KIF6: variants seen among roughly 807,000 people sequenced by gnomAD.
The protein encoded by KIF6 is kinesin-like protein KIF6.
In KIF6, 106 loss-of-function variants were observed where a neutral mutation model predicts 112.7. The ratio of observed to expected loss-of-function variants is 0.94; its 90% CI spans 0.80 to 1.11. KIF6 has a LOEUF of 1.11. Among genes scored for constraint, KIF6 ranks in the 50% least tolerant of loss-of-function variants. The probability of loss-of-function intolerance (pLI) is 0.00; values close to 1 mark genes in which losing one functional copy is unlikely to be tolerated. For missense variants in KIF6, 929 were observed against 964.0 expected (o/e 0.96, Z 0.48); for synonymous variants, 339 against 339.9 (o/e 1.00, Z 0.03).
In KIF6 at chr6:39,587,745, C is replaced by T. The variant is rs139659005; in HGVS notation, c.847-1341G>A. 1.1e-3 allele frequency among the ~76,000 whole-genome samples: 163 copies of T among 152,252 alleles called. 2 individuals carry two copies. Among genetic ancestry groups the T allele is most frequent in the African/African-American group, 3.7e-3 (155 of 41,544 alleles). On this transcript the variant is annotated intron_variant, in intron 7 of 22. Coordinates refer to ENST00000287152, the MANE Select transcript of KIF6 (RefSeq NM_145027.6). ...CCCTTCACCTTCTTATTGTCCTGCT[C>T]CTGTCTAAGGCCAGCCCTCCATCCT...
At chr6:39,615,562 T>C (rs892358032) in intron 5 of KIF6, among the ~76,000 whole-genome samples, 1 of 149,722 alleles carries the variant, frequency 6.7e-6, no homozygotes, top group Non-Finnish European at 1.5e-5. Flanking sequence ...TCTGATTTGA[T>C]TGGTCCAGGG....
At chr6:39,400,100 G>C (rs1182034298) in intron 15 of KIF6, among the ~76,000 whole-genome samples, 2 of 152,236 alleles carry the variant, frequency 1.3e-5, no homozygotes, top group African/African-American at 2.4e-5. Flanking sequence ...ATTTCCAGCA[G>C]TAAAGCCAGG....
chr6:39,538,636 A>C (rs1778592364), intron 13 of KIF6, among the ~76,000 whole-genome samples: 1 of 150,346 alleles, frequency 6.7e-6, no homozygotes, highest in Non-Finnish European at 1.5e-5. Flanking sequence ...AAACTAGTTC[A>C]ACCATTGTGG....
At chr6:39,388,837 C>A (rs1767639138) in intron 15 of KIF6, among the ~76,000 whole-genome samples, 3 of 152,102 alleles carry the variant, frequency 2.0e-5, no homozygotes, top group Non-Finnish European at 4.4e-5. Context: ...CAGCCTGAGG[C>A]CGGAGACAGT....
intron 3 of KIF6, among the ~76,000 whole-genome samples, chr6:39,646,414 C>T (rs1038429346): frequency 6.6e-6 from 1 of 152,034 alleles, no homozygotes; most frequent in African/African-American, 2.4e-5. Context: ...AGAATTCCCT[C>T]CAAGGTATTT....
chr6:39,638,855 G>A (rs916732977), intron 4 of KIF6, among the ~76,000 whole-genome samples: 1 of 152,102 alleles, frequency 6.6e-6, no homozygotes, highest in African/African-American at 2.4e-5. Flanking sequence ...GACTCATTAC[G>A]GGGAATTTGT....
chr6:39,355,747 C>T, intron 19 of KIF6, among the ~76,000 whole-genome samples: 1 of 151,620 alleles, frequency 6.6e-6, no homozygotes, highest in Non-Finnish European at 1.5e-5. Context: ...CAAGCATGAG[C>T]CACCACGCCT....
chr6:39,498,442 C>T (rs1775912245), intron 13 of KIF6, among the ~76,000 whole-genome samples: 1 of 152,100 alleles, frequency 6.6e-6, no homozygotes, highest in South Asian at 2.1e-4. Context: ...GTAGCTATAA[C>T]AGAAAAAAGA....
At chr6:39,430,372 A>G (rs2150380044) in intron 14 of KIF6, among the ~76,000 whole-genome samples, 1 of 152,338 alleles carries the variant, frequency 6.6e-6, no homozygotes, top group South Asian at 2.1e-4. Flanking sequence ...ACTGTGTGCT[A>G]GGATCCACAG....
At chr6:39,549,080 T>C (rs899307042) in intron 10 of KIF6, among the ~76,000 whole-genome samples, 3 of 152,318 alleles carry the variant, frequency 2.0e-5, no homozygotes, top group Non-Finnish European at 4.4e-5. Flanking sequence ...GAAATACCTC[T>C]GACAGCCTGT....
At chr6:39,578,692 C>A (rs1561830576) in intron 9 of KIF6, among the ~76,000 whole-genome samples, 1 of 152,030 alleles carries the variant, frequency 6.6e-6, no homozygotes, top group Non-Finnish European at 1.5e-5. Context: ...CTATTGGTAT[C>A]CCCCCTCCGT....
intron 7 of KIF6, among the ~76,000 whole-genome samples, chr6:39,593,760 T>C (rs1035383057): frequency 1.3e-5 from 2 of 152,182 alleles, no homozygotes; most frequent in African/African-American, 2.4e-5. Flanking sequence ...CCATCCTTGA[T>C]TGGCTCGCCT....
intron 15 of KIF6, among the ~76,000 whole-genome samples, chr6:39,394,905 C>T (rs1277335351): frequency 6.6e-6 from 1 of 152,190 alleles, no homozygotes; most frequent in Non-Finnish European, 1.5e-5. Flanking sequence ...TGATTTCCCC[C>T]CGTGGGGATT....
rs1781537718 is a variant in KIF6, at chr6:39,584,947, G to A, written c.1028C>T (p.Ala343Val). ...ISTCRFAQRV[A>V]LIKNEAVLNE... ...AAGAACAGCTTCATTCTTTATGAGT[G>A]CCACTCGCTGTGCAAATCTGCAGGT... Residue 343 changes from alanine to valine, a missense_variant, in exon 9 of 23, where the codon GCA becomes GTA. Around this residue, in one of 2 missense-constraint regions of KIF6, gnomAD observed 688 missense variants for 662.7 expected, o/e 1.04. Transcript: ENST00000287152. 6.2e-7 allele frequency: 1 copy of A among 1,612,094 alleles called. No individual in the cohort carries two copies. The highest frequency in any genetic ancestry group is 2.2e-5 in the East Asian group (1 of 44,862).
intron 13 of KIF6, among the ~76,000 whole-genome samples, chr6:39,512,531 C>G (rs1476077249): frequency 1.3e-5 from 2 of 152,200 alleles, no homozygotes; most frequent in East Asian, 3.8e-4. Context: ...CCTCCCAAGT[C>G]AGGGTTCTTA....
At position 39,332,100 on chromosome 6, in the gene KIF6, C is replaced by T. The variant is rs989836195; in HGVS notation, c.*4432G>A. 1.3e-5 allele frequency: 2 copies of T among 152,106 alleles called. No individual in the cohort carries two copies. Among genetic ancestry groups the T allele is most frequent in the African/African-American group, 4.8e-5 (2 of 41,418 alleles). 9.4% of individuals were successfully genotyped at this position (152,106 alleles called of 1,614,324 possible). Reference sequence around the variant, plus strand: ...TAGCTGGGATTACAGGTACGCAACACCATGCCCGGCTATTTTTTGTATTTT... The same window carrying T: ...TAGCTGGGATTACAGGTACGCAACATCATGCCCGGCTATTTTTTGTATTTT... On this transcript the variant is annotated 3_prime_UTR_variant, in exon 23 of 23. Coordinates refer to ENST00000287152, the MANE Select transcript of KIF6 (RefSeq NM_145027.6).
chr6:39,399,437 C>T (rs1768522674), intron 15 of KIF6, among the ~76,000 whole-genome samples: 1 of 152,176 alleles, frequency 6.6e-6, no homozygotes, highest in South Asian at 2.1e-4. Context: ...TAAAGAACCG[C>T]CTGTCTCATC....
chr6:39,413,046 A>G (rs1359438039), intron 15 of KIF6, among the ~76,000 whole-genome samples: 3 of 152,028 alleles, frequency 2.0e-5, no homozygotes, highest in African/African-American at 7.2e-5. Context: ...CATTTTTATC[A>G]TTATTTTTAA....
intron 5 of KIF6, among the ~76,000 whole-genome samples, chr6:39,621,300 T>C (rs1262635449): frequency 6.6e-6 from 1 of 152,086 alleles, no homozygotes; most frequent in African/African-American, 2.4e-5. Context: ...ATTCATATTT[T>C]CTCCTTAGGG....
Sources: gnomAD v4.1 joint callset for allele counts (sites outside exome capture counted in the v4.1 genomes callset) on GRCh38, gnomAD v4.1.1 for gene constraint, gnomAD v4.1.1 regional missense constraint, MANE v1.5 for transcripts, NCBI Gene and HGNC (gene_info 2026-07-23, HGNC 2026-07-21) for gene names.